The following NCEH1 variants were observed in gnomAD, a reference collection of about 807,000 sequenced individuals.
NCEH1 encodes the protein neutral cholesterol ester hydrolase 1.
In NCEH1, 9 loss-of-function variants were observed where a neutral mutation model predicts 25.4. That is an observed-to-expected ratio of 0.35 (90% CI 0.21 to 0.62). The LOEUF (loss-of-function observed/expected upper bound fraction) is 0.62. Ranked by LOEUF, NCEH1 falls within the 20% of genes least tolerant of loss-of-function variation. NCEH1 has a pLI of 0.72. For missense variants in NCEH1, 412 were observed against 501.1 expected (o/e 0.82, Z 1.70); for synonymous variants, 200 against 199.8 (o/e 1.00, Z -0.01).
chr3:172,701,849 G>A (rs1409899806), intron 1 of NCEH1, among the ~76,000 whole-genome samples: 1 of 152,064 alleles, frequency 6.6e-6, no homozygotes, highest in Non-Finnish European at 1.5e-5. Context: ...TGACTTCTCT[G>A]CTAGAAGACT....
intron 1 of NCEH1, among the ~76,000 whole-genome samples, chr3:172,682,757 T>C (rs993838640): frequency 3.3e-5 from 5 of 152,244 alleles, no homozygotes; most frequent in Non-Finnish European, 4.4e-5. Context: ...TATGAAATCA[T>C]TGTAGGTAGC....
At chr3:172,695,690 T>A (rs1713318180) in intron 1 of NCEH1, among the ~76,000 whole-genome samples, 1 of 152,176 alleles carries the variant, frequency 6.6e-6, no homozygotes, top group Admixed American at 6.5e-5. Flanking sequence ...ACGTCTGTAG[T>A]CCCAGCACTT....
intron 1 of NCEH1, among the ~76,000 whole-genome samples, chr3:172,682,520 T>C (rs1445267476): frequency 6.6e-6 from 1 of 152,224 alleles, no homozygotes; most frequent in Admixed American, 6.5e-5. Flanking sequence ...AATGATTAAA[T>C]GGTTCTTTCT....
At chr3:172,691,852 CAGG>C (rs144361309) in intron 1 of NCEH1, among the ~76,000 whole-genome samples, 1,224 of 151,812 alleles carry the variant, frequency 8.1e-3, no homozygotes, top group South Asian at 0.035. Context: ...GAGGCTGAGG[CAGG>C]AGAATGGTGT....
intron 1 of NCEH1, among the ~76,000 whole-genome samples, chr3:172,692,803 C>T (rs997297517): frequency 6.6e-6 from 1 of 152,226 alleles, no homozygotes; most frequent in African/African-American, 2.4e-5. Context: ...GATCTAACAA[C>T]ACAAGGTGGG....
intron 1 of NCEH1, among the ~76,000 whole-genome samples, chr3:172,705,939 A>G (rs936983199): frequency 6.8e-6 from 1 of 147,166 alleles, no homozygotes; most frequent in Admixed American, 7.0e-5. Flanking sequence ...TGGAGGTTGC[A>G]GTGAGCTGAG....
intron 1 of NCEH1, among the ~76,000 whole-genome samples, chr3:172,687,805 C>G (rs982131510): frequency 6.6e-6 from 1 of 152,132 alleles, no homozygotes; most frequent in Non-Finnish European, 1.5e-5. Context: ...GTTTAATATG[C>G]AATGTGGGCC....
At chr3:172,658,840 CTTTTTTTTT>C (rs33955977) in intron 1 of NCEH1, among the ~76,000 whole-genome samples, 60 of 74,218 alleles carry the variant, frequency 8.1e-4, no homozygotes, top group Non-Finnish European at 1.1e-3. Flanking sequence ...AATTCCAAAA[CTTTTTTTTT>C]TTTTTTTTTT....
chr3:172,668,454 A>G (rs1308995892), intron 1 of NCEH1, among the ~76,000 whole-genome samples: 1 of 143,380 alleles, frequency 7.0e-6, no homozygotes, highest in African/African-American at 2.6e-5. Context: ...TCCCAGGTTC[A>G]AGCGATTCTC....
At chr3:172,656,229 T>A (rs1717685481) in intron 1 of NCEH1, among the ~76,000 whole-genome samples, 1 of 152,118 alleles carries the variant, frequency 6.6e-6, no homozygotes. Flanking sequence ...CTAGAACAGT[T>A]GGGAGAGACT....
chr3:172,644,438 C>A (rs964984899), intron 3 of NCEH1, among the ~76,000 whole-genome samples: 1 of 152,150 alleles, frequency 6.6e-6, no homozygotes, highest in African/African-American at 2.4e-5. Flanking sequence ...ACTGAATGAG[C>A]CTGGGGCAAG....
chr3:172,689,335 C>T (rs1296582322), intron 1 of NCEH1, among the ~76,000 whole-genome samples: 2 of 148,862 alleles, frequency 1.3e-5, no homozygotes, highest in African/African-American at 2.5e-5. Flanking sequence ...CTCAGCTCAC[C>T]GCAACCTCCG....
At position 172,630,959 on chromosome 3, in the gene NCEH1, C is replaced by T. The variant is rs531406500; in HGVS notation, c.*2516G>A. ...TATATTAATGTTTATATTTCACAGACAATTTTACAAAAAGATTATCATTTT... is the reference window on the plus strand; with the variant it reads ...TATATTAATGTTTATATTTCACAGATAATTTTACAAAAAGATTATCATTTT... On this transcript the variant is annotated 3_prime_UTR_variant, in exon 5 of 5. Transcript: ENST00000475381. The T allele has an allele frequency of 2.1e-5, 3 of 145,650 alleles. No individual in the cohort carries two copies. The highest frequency in any genetic ancestry group is 4.0e-4 in the East Asian group (2 of 4,944). 9.0% of individuals were successfully genotyped at this position (145,650 alleles called of 1,614,324 possible).
chr3:172,678,810 A>AC (rs540408398), intron 1 of NCEH1, among the ~76,000 whole-genome samples: 258 of 152,314 alleles, frequency 1.7e-3, no homozygotes, highest in Middle Eastern at 6.8e-3. Context: ...TGAACACTGT[A>AC]CCAAACAGGT....
chr3:172,700,641 T>C (rs1203383918), intron 1 of NCEH1, among the ~76,000 whole-genome samples: 3 of 152,168 alleles, frequency 2.0e-5, no homozygotes, highest in East Asian at 3.8e-4. Flanking sequence ...GCTGAGATCA[T>C]GTGCCACCAC....
At chr3:172,707,644 G>A (rs1352303341) in intron 1 of NCEH1, among the ~76,000 whole-genome samples, 1 of 152,082 alleles carries the variant, frequency 6.6e-6, no homozygotes, top group African/African-American at 2.4e-5. Flanking sequence ...GGAGTGCAGT[G>A]GCCTGATCTC....
intron 1 of NCEH1, among the ~76,000 whole-genome samples, chr3:172,670,929 T>A (rs1711574849): frequency 6.6e-6 from 1 of 152,212 alleles, no homozygotes; most frequent in Admixed American, 6.5e-5. Context: ...ACCAGATAAA[T>A]GACTTCCCAG....
intron 1 of NCEH1, among the ~76,000 whole-genome samples, chr3:172,685,812 G>A (rs1370860772): frequency 1.3e-5 from 2 of 152,168 alleles, no homozygotes; most frequent in African/African-American, 4.8e-5. Flanking sequence ...ACGACAACCA[G>A]ATCTCTGACC....
At chr3:172,673,169 C>T (rs1711741939) in intron 1 of NCEH1, among the ~76,000 whole-genome samples, 1 of 152,202 alleles carries the variant, frequency 6.6e-6, no homozygotes, top group Non-Finnish European at 1.5e-5. Context: ...AACTCTAATC[C>T]AATATTTTTC....
Sources: allele counts gnomAD v4.1 joint callset (sites outside exome capture counted in the v4.1 genomes callset), GRCh38; gene constraint gnomAD v4.1.1; transcripts MANE v1.5; gene names NCBI Gene and HGNC (gene_info 2026-07-23, HGNC 2026-07-21).